The following RNF144B variants were observed in gnomAD, a reference collection of about 807,000 sequenced individuals.
The protein encoded by RNF144B is E3 ubiquitin-protein ligase RNF144B.
RNF144B carries 25 observed loss-of-function variants against 40.2 expected under a neutral mutation model. That is an observed-to-expected ratio of 0.62 (90% confidence interval 0.45 to 0.87). The LOEUF (loss-of-function observed/expected upper bound fraction) is 0.87, where lower values mean the gene tolerates loss of function less well. Ranked by LOEUF, RNF144B falls within the 40% of genes least tolerant of loss-of-function variation. The pLI is 0.00. For synonymous variants in RNF144B, 145 were observed against 136.3 expected, an observed-to-expected ratio of 1.06 and a Z score of -0.44; for missense variants, 365 against 373.7, an observed-to-expected ratio of 0.98 and a Z score of 0.19.
intron 7 of RNF144B, among the ~76,000 whole-genome samples, chr6:18,463,731 G>C (rs1759518738): frequency 6.6e-6 from 1 of 152,188 alleles, no homozygotes; most frequent in South Asian, 2.1e-4. Flanking sequence ...GTATTAGTCT[G>C]TTCTCACACT....
In RNF144B at chr6:18,434,367, A is replaced by G. The variant is rs200839814; in HGVS notation, c.271-5317A>G. 8.1e-6 allele frequency among the ~76,000 whole-genome samples: 1 copy of G among 122,710 alleles called. No individual in the cohort carries two copies. Among genetic ancestry groups the G allele is most frequent in the Non-Finnish European group, 2.0e-5 (1 of 49,418 alleles). The allele number at this position is 122,710 out of a possible 152,430, so 80.5% of individuals were successfully genotyped here. On this transcript the variant is annotated intron_variant, in intron 3 of 7. Transcript: ENST00000259939. The surrounding 1 kb of genome is among the most constrained non-coding windows in gnomAD (Gnocchi z 4.1). ...CTTTTTTGCTTTGTTTTTTTCTGAGAGGGGGTAAGGTCAGTGTTAGTGTAG... is the reference window on the plus strand; with the variant it reads ...CTTTTTTGCTTTGTTTTTTTCTGAGGGGGGGTAAGGTCAGTGTTAGTGTAG...
chr6:18,437,757 C>G (rs1758854796), intron 3 of RNF144B, among the ~76,000 whole-genome samples: 2 of 152,212 alleles, frequency 1.3e-5, no homozygotes, highest in African/African-American at 4.8e-5. Flanking sequence ...ACATCCATCT[C>G]TACAGTTGTT....
At position 18,444,697 on chromosome 6, in the gene RNF144B, G is replaced by C. The variant is rs1199066723; in HGVS notation, c.331+4953G>C. 6.7e-6 allele frequency among the ~76,000 whole-genome samples: 1 copy of C among 148,644 alleles called. No homozygotes were observed. The highest frequency in any genetic ancestry group is 2.4e-5 in the African/African-American group (1 of 41,034). ...TTAAAAAAAAGTGAAATAGGAAGTTGTCTTTCTTTTGCTGTCTGTTAATAT... is the reference window on the plus strand; with the variant it reads ...TTAAAAAAAAGTGAAATAGGAAGTTCTCTTTCTTTTGCTGTCTGTTAATAT... On this transcript the variant is annotated intron_variant, in intron 4 of 7. Transcript: ENST00000259939. This position sits in a 1 kb window ranked among gnomAD's most constrained non-coding sequence, Gnocchi z 4.3.
chr6:18,451,838 T>C (rs779409139), intron 4 of RNF144B, among the ~76,000 whole-genome samples: 4 of 152,220 alleles, frequency 2.6e-5, no homozygotes, highest in Non-Finnish European at 4.4e-5. Context: ...GTTTTAATGT[T>C]AAAATTTGTT....
rs1260252473 is a variant in RNF144B at position 18,412,946 on chromosome 6, C to T, written c.165+13247C>T. ...GTATTTTTTCAATCTGCTTAAACCTCATTTTATTCATCTGTTTAAAAAAAT... is the reference window on the plus strand; with the variant it reads ...GTATTTTTTCAATCTGCTTAAACCTTATTTTATTCATCTGTTTAAAAAAAT... On this transcript the variant is annotated intron_variant, in intron 2 of 7. Transcript: ENST00000259939. The surrounding 1 kb of genome is among the most constrained non-coding windows in gnomAD (Gnocchi z 4.2). Among the ~76,000 whole-genome samples, 2 of 152,124 alleles carry T rather than the reference C, an allele frequency of 1.3e-5. No individual in the cohort carries two copies. Among genetic ancestry groups the T allele is most frequent in the African/African-American group, 2.4e-5 (1 of 41,410 alleles).
chr6:18,389,895 T>C (rs1156276834), intron 1 of RNF144B, among the ~76,000 whole-genome samples: 1 of 152,166 alleles, frequency 6.6e-6, no homozygotes, highest in Non-Finnish European at 1.5e-5. Context: ...AAACAAATGG[T>C]CAATATTTTC....
At chr6:18,396,831 AT>A (rs1287595615) in intron 1 of RNF144B, 3 of 985,050 alleles carry the variant, frequency 3.0e-6, no homozygotes, top group Middle Eastern at 5.2e-4. Flanking sequence ...AGGTAAAGTC[AT>A]TCATTTTTAC....
chr6:18,409,580 T>A (rs866434273), intron 2 of RNF144B, among the ~76,000 whole-genome samples: 46 of 139,268 alleles, frequency 3.3e-4, no homozygotes, highest in Non-Finnish European at 4.2e-4. Context: ...TTTTTTTTTT[T>A]ACTTTTTGAG....
intron 2 of RNF144B, among the ~76,000 whole-genome samples, chr6:18,421,211 C>T (rs868487916): frequency 6.6e-6 from 1 of 150,782 alleles, no homozygotes; most frequent in Non-Finnish European, 1.5e-5. Flanking sequence ...GAGATCGTAC[C>T]ACTTCACTCC....
At position 18,440,809 on chromosome 6, in the gene RNF144B, T is replaced by A. The variant is rs534792771; in HGVS notation, c.331+1065T>A. On this transcript the variant is annotated intron_variant, in intron 4 of 7. Coordinates refer to ENST00000259939, the MANE Select transcript of RNF144B (RefSeq NM_182757.4). The stretch of plus-strand genomic sequence containing the variant: ...GTTTTTGTGGTGTTTTTTTTTTTTT[T>A]AAAAATCCAGCAGCCAAAACCAGAT... 4.0e-3 allele frequency among the ~76,000 whole-genome samples: 574 copies of A among 142,360 alleles called. 9 individuals are homozygous for A. The highest frequency in any genetic ancestry group is 0.014 in the African/African-American group (535 of 39,296). 93.4% of individuals were successfully genotyped at this position (142,360 alleles called of 152,430 possible).
Position 18,421,271 on chromosome 6 carries a change from TATAC to T in RNF144B, c.166-6308_166-6305del, listed in dbSNP as rs1269493598. On this transcript the variant is annotated intron_variant, in intron 2 of 7. Transcript: ENST00000259939. The stretch of plus-strand genomic sequence containing the variant: ...CATCTCAAAAAAAAAAATTATATAT[TATAC>T]ACACACACACACACACACACACACA... Among the ~76,000 whole-genome samples the T allele has an allele frequency of 9.6e-3, 1,254 of 130,968 alleles. 19 individuals are homozygous for T. Among genetic ancestry groups the T allele is most frequent in the African/African-American group, 0.032 (1,073 of 33,996 alleles). 85.9% of individuals were successfully genotyped at this position (130,968 alleles called of 152,430 possible). A position where few individuals can be genotyped will look rare whatever the true frequency, so the allele number is the denominator to read the frequency against.
chr6:18,428,039 G>A (rs1758603819), intron 3 of RNF144B, among the ~76,000 whole-genome samples: 1 of 152,084 alleles, frequency 6.6e-6, no homozygotes, highest in South Asian at 2.1e-4. Flanking sequence ...GTCAAGGGTG[G>A]GACCAGGTGG....
chr6:18,455,352 T>G (rs1021025946), intron 4 of RNF144B, among the ~76,000 whole-genome samples: 2 of 152,204 alleles, frequency 1.3e-5, no homozygotes, highest in Non-Finnish European at 2.9e-5. Flanking sequence ...TGAAAACTTA[T>G]AACAAGATAG....
chr6:18,390,674 G>C (rs1362366525), intron 1 of RNF144B, among the ~76,000 whole-genome samples: 1 of 152,122 alleles, frequency 6.6e-6, no homozygotes, highest in African/African-American at 2.4e-5. Context: ...CTTGTTCTTT[G>C]TTTTTCTTGG....
Position 18,453,137 on chromosome 6 carries a change from C to CTTTT in RNF144B, c.332-4002_332-3999dup, listed in dbSNP as rs33972716. 3.0e-4 allele frequency among the ~76,000 whole-genome samples: 31 copies of CTTTT among 103,370 alleles called. 1 individual carries two copies. Among genetic ancestry groups the CTTTT allele is most frequent in the Non-Finnish European group, 4.0e-4 (21 of 53,098 alleles). The allele number at this position is 103,370 out of a possible 152,430, so 67.8% of individuals were successfully genotyped here. On this transcript the variant is annotated intron_variant, in intron 4 of 7. Coordinates refer to ENST00000259939, the MANE Select transcript of RNF144B (RefSeq NM_182757.4). ...GTTTCATTTATACTCTTTCTGTCTG[C>CTTTT]TTTTTTTTTTTTTTTTTTTGAGATG...
chr6:18,388,588 A>G (rs902879610), intron 1 of RNF144B, among the ~76,000 whole-genome samples: 1 of 152,096 alleles, frequency 6.6e-6, no homozygotes, highest in Non-Finnish European at 1.5e-5. Context: ...TTTCACATCA[A>G]ATCCCTCTGT....
At chr6:18,432,527 A>T (rs1758717283) in intron 3 of RNF144B, among the ~76,000 whole-genome samples, 1 of 152,232 alleles carries the variant, frequency 6.6e-6, no homozygotes, top group African/African-American at 2.4e-5. Flanking sequence ...CAGGACACAG[A>T]TTGTTTATTC....
At chr6:18,399,430 C>A in intron 1 of RNF144B, 69 bp from the exon 2 acceptor site, 4 of 1,122,404 alleles carry the variant, frequency 3.6e-6, no homozygotes, top group Non-Finnish European at 3.8e-6. Flanking sequence ...CAGCTGGCCT[C>A]CAGACGTGTT....
rs1273179051 is a variant in RNF144B, at chr6:18,398,441, G to A, written c.-36-1058G>A. On this transcript the variant is annotated intron_variant, in intron 1 of 7. Transcript: ENST00000259939. This position sits in a 1 kb window ranked among gnomAD's most constrained non-coding sequence, Gnocchi z 5.0. ...GGCTGGAGTGTGGTGACGCAATCTT[G>A]ACTCACTGCAACCTCTGCCTCCTGG... Among the ~76,000 whole-genome samples, 1 of 152,116 alleles carries A rather than the reference G, an allele frequency of 6.6e-6. No homozygotes were observed. Among genetic ancestry groups the A allele is most frequent in the Non-Finnish European group, 1.5e-5 (1 of 68,034 alleles).
Sources: gnomAD v4.1 joint callset for allele counts (sites outside exome capture counted in the v4.1 genomes callset) on GRCh38, gnomAD v4.1.1 for gene constraint, Gnocchi (gnomAD v3.1) non-coding constraint, MANE v1.5 for transcripts, NCBI Gene and HGNC (gene_info 2026-07-23, HGNC 2026-07-21) for gene names.